Variants in CTNND2 observed in about 807,000 individuals in gnomAD.
CTNND2 encodes the protein catenin delta-2.
In CTNND2, 22 loss-of-function variants were observed where a neutral mutation model predicts 144.4. That is an observed-to-expected ratio of 0.15 (90% CI 0.11 to 0.22). The LOEUF (loss-of-function observed/expected upper bound fraction) is 0.22, where lower values mean the gene tolerates loss of function less well. Among genes scored for constraint, CTNND2 ranks in the 10% least tolerant of loss-of-function variants. The pLI, the probability that CTNND2 is intolerant of heterozygous loss-of-function variation, is 1.00. For missense variants in CTNND2, 1,353 were observed against 1,618.8 expected, an observed-to-expected ratio of 0.84 and a Z score of 2.82; for synonymous variants, 751 against 695.6, an observed-to-expected ratio of 1.08 and a Z score of -1.25.
intron 9 of CTNND2, among the ~76,000 whole-genome samples, chr5:11,326,812 G>GA (rs1449618369): frequency 6.6e-6 from 1 of 152,178 alleles, no homozygotes; most frequent in African/African-American, 2.4e-5. Flanking sequence ...TGATGTCAAT[G>GA]AATCACAACT....
intron 12 of CTNND2, among the ~76,000 whole-genome samples, chr5:11,129,225 AATATATATTATATAT>A (rs1755260317): frequency 4.5e-5 from 1 of 22,372 alleles, no homozygotes; most frequent in Admixed American, 7.6e-4. Context: ...ATTATATATA[AATATATATTATATAT>A]TATATATTAT....
In CTNND2 at chr5:11,221,813, C is replaced by T. The variant is rs78961759; in HGVS notation, c.1761+14878G>A. Among the ~76,000 whole-genome samples the T allele has an allele frequency of 2.0e-3, 310 of 152,250 alleles. 1 individual carries two copies. The highest frequency in any genetic ancestry group is 7.1e-3 in the African/African-American group (294 of 41,546). On this transcript the variant is annotated intron_variant, in intron 10 of 21. Transcript: ENST00000304623. The stretch of plus-strand genomic sequence containing the variant: ...GAAACAAGGCCTGAGCGTGCTGAGT[C>T]GGTAGCAATAAGAAGCCAAGTGTCA...
chr5:11,783,721 G>C (rs1301875849), intron 1 of CTNND2, among the ~76,000 whole-genome samples: 1 of 152,136 alleles, frequency 6.6e-6, no homozygotes. Context: ...AACTTCTTTT[G>C]ACTACTTTCC....
intron 9 of CTNND2, among the ~76,000 whole-genome samples, chr5:11,312,022 C>G (rs1159434055): frequency 1.3e-5 from 2 of 149,742 alleles, no homozygotes; most frequent in African/African-American, 4.9e-5. Flanking sequence ...CACCATACAC[C>G]TTCACCCCAC....
chr5:11,226,114 C>T (rs567701753), intron 10 of CTNND2, among the ~76,000 whole-genome samples: 1 of 152,316 alleles, frequency 6.6e-6, no homozygotes, highest in East Asian at 1.9e-4. Context: ...CTTGTAGCCT[C>T]CAGCATCGTG....
At chr5:11,601,202 C>T (rs1273371625) in intron 2 of CTNND2, among the ~76,000 whole-genome samples, 1 of 152,110 alleles carries the variant, frequency 6.6e-6, no homozygotes, top group Non-Finnish European at 1.5e-5. Flanking sequence ...TAATGTTGAG[C>T]AGCAAAATAT....
intron 1 of CTNND2, among the ~76,000 whole-genome samples, chr5:11,735,290 C>T (rs540976873): frequency 6.6e-6 from 1 of 152,272 alleles, no homozygotes; most frequent in South Asian, 2.1e-4. Flanking sequence ...GATCAAGTCT[C>T]TTAATTATGT....
At chr5:11,284,904 GA>G (rs1747567982) in intron 9 of CTNND2, among the ~76,000 whole-genome samples, 1 of 152,162 alleles carries the variant, frequency 6.6e-6, no homozygotes, top group Non-Finnish European at 1.5e-5. Context: ...AGTGATAGCA[GA>G]AACCAGAAAT....
chr5:11,848,649 C>T (rs561911537), intron 1 of CTNND2, among the ~76,000 whole-genome samples: 18 of 152,288 alleles, frequency 1.2e-4, no homozygotes, highest in African/African-American at 3.6e-4. Context: ...CTGTATCATG[C>T]CATGCTTCAC....
rs1429536654 is a variant in CTNND2, at chr5:11,181,985, GTGTAGTATGTGTGT to G, written c.1975+17449_1975+17462del. ...TCTGTGTAGTATGTGTGTGGTGTGT[GTGTAGTATGTGTGT>G]GGTGTGTGGGTGTGTGTGGCGTGTG... is the stretch of plus-strand genomic sequence containing the variant. On this transcript the variant is annotated intron_variant, in intron 11 of 21. Coordinates refer to ENST00000304623, the MANE Select transcript of CTNND2 (RefSeq NM_001332.4). Among the ~76,000 whole-genome samples, 185 of 144,324 alleles carry G rather than the reference GTGTAGTATGTGTGT, an allele frequency of 1.3e-3. 1 individual carries two copies. The highest frequency in any genetic ancestry group is 4.5e-3 in the African/African-American group (173 of 38,874). The allele number at this position is 144,324 out of a possible 152,430, so 94.7% of individuals were successfully genotyped here.
chr5:11,461,126 C>G (rs1342870502), intron 3 of CTNND2, among the ~76,000 whole-genome samples: 1 of 151,916 alleles, frequency 6.6e-6, no homozygotes, highest in Non-Finnish European at 1.5e-5. Context: ...TCTTTCTCCC[C>G]TCACTAGATG....
chr5:11,300,791 T>C (rs959869323), intron 9 of CTNND2, among the ~76,000 whole-genome samples: 1 of 152,124 alleles, frequency 6.6e-6, no homozygotes, highest in African/African-American at 2.4e-5. Context: ...CACTACTCTT[T>C]TGAGCACCCC....
intron 11 of CTNND2, among the ~76,000 whole-genome samples, chr5:11,166,689 G>C (rs896209531): frequency 3.3e-5 from 5 of 152,120 alleles, no homozygotes; most frequent in Non-Finnish European, 5.9e-5. Context: ...TGTGGAGGTT[G>C]AATGATTAAA....
chr5:11,305,335 T>C (rs1483188525), intron 9 of CTNND2, among the ~76,000 whole-genome samples: 2 of 152,188 alleles, frequency 1.3e-5, no homozygotes, highest in Admixed American at 6.5e-5. Flanking sequence ...TCCTGGCTTC[T>C]AACTGCTGCG....
At chr5:11,360,603 C>T (rs1756351274) in intron 8 of CTNND2, among the ~76,000 whole-genome samples, 1 of 152,148 alleles carries the variant, frequency 6.6e-6, no homozygotes, top group African/African-American at 2.4e-5. Context: ...CCTTTCCATG[C>T]CCCAACTTGC....
chr5:11,255,403 A>C (rs1006912191), intron 9 of CTNND2, among the ~76,000 whole-genome samples: 4 of 152,234 alleles, frequency 2.6e-5, no homozygotes, highest in African/African-American at 9.6e-5. Context: ...TTCGACAGGC[A>C]AGTGTGTGAC....
chr5:11,415,845 G>A (rs890721610), intron 3 of CTNND2, among the ~76,000 whole-genome samples: 3 of 152,038 alleles, frequency 2.0e-5, no homozygotes, highest in African/African-American at 7.2e-5. Flanking sequence ...GCCACTTTAT[G>A]GCCAAGCACA....
intron 2 of CTNND2, among the ~76,000 whole-genome samples, chr5:11,690,840 T>C (rs1784877327): frequency 6.7e-6 from 1 of 150,308 alleles, no homozygotes; most frequent in Admixed American, 6.6e-5. Flanking sequence ...ATAATTATTA[T>C]ATAAAATACT....
At position 11,899,464 on chromosome 5, in the gene CTNND2, A is replaced by G. The variant is rs374586137; in HGVS notation, c.37+4353T>C. On this transcript the variant is annotated intron_variant, in intron 1 of 21. Transcript: ENST00000304623. ...GCTTAACTGCTATATACTTTAATAT[A>G]TAAAGGGCTGGTATGTTTCAGAATA... Among the ~76,000 whole-genome samples the G allele has an allele frequency of 1.3e-5, 2 of 152,324 alleles. 1 individual carries two copies.
Sources: allele counts gnomAD v4.1 joint callset (sites outside exome capture counted in the v4.1 genomes callset), GRCh38; gene constraint gnomAD v4.1.1; transcripts MANE v1.5; gene names NCBI Gene and HGNC (gene_info 2026-07-23, HGNC 2026-07-21).